The following USH2A variants were observed in gnomAD, a reference collection of about 807,000 sequenced individuals.
The protein encoded by USH2A is Usher syndrome 2A (autosomal recessive, mild).
USH2A carries 443 observed loss-of-function variants against 538.9 expected under a neutral mutation model. That is an observed-to-expected ratio of 0.82 (90% CI 0.76 to 0.89). The LOEUF (loss-of-function observed/expected upper bound fraction) is 0.89, where lower values mean the gene tolerates loss of function less well. USH2A is among the 40% of genes least tolerant of loss of function. The probability of loss-of-function intolerance (pLI) is 0.00; values close to 1 mark genes in which losing one functional copy is unlikely to be tolerated. For missense variants in USH2A, 6,633 were observed against 6,324.8 expected, an observed-to-expected ratio of 1.05 and a Z score of -1.65; for synonymous variants, 2,413 against 2,273.5, an observed-to-expected ratio of 1.06 and a Z score of -1.75.
chr1:215,779,214 T>C (rs1661549036), intron 55 of USH2A, among the ~76,000 whole-genome samples: 2 of 152,022 alleles, frequency 1.3e-5, no homozygotes, highest in South Asian at 4.1e-4. Context: ...AAAATGCTTC[T>C]CCTCCCTTCA....
intron 21 of USH2A, among the ~76,000 whole-genome samples, chr1:216,109,978 CT>C (rs1227605541): frequency 6.6e-6 from 1 of 151,840 alleles, no homozygotes; most frequent in African/African-American, 2.4e-5. Flanking sequence ...AAAGATATAC[CT>C]GTATTTTCCA....
intron 25 of USH2A, 113 bp downstream of exon 25, chr1:216,084,585 T>C: frequency 9.1e-7 from 1 of 1,094,682 alleles, no homozygotes; most frequent in Non-Finnish European, 1.3e-6. Flanking sequence ...ACTAAGTATT[T>C]CTGTGATACT....
chr1:216,090,243 G>T (rs1207784483), intron 22 of USH2A, among the ~76,000 whole-genome samples: 1 of 151,608 alleles, frequency 6.6e-6, no homozygotes, highest in African/African-American at 2.4e-5. Context: ...TGATGTAATG[G>T]TGCTGAAGAT....
intron 54 of USH2A, among the ~76,000 whole-genome samples, chr1:215,780,924 T>A (rs1034144410): frequency 2.0e-5 from 3 of 152,254 alleles, no homozygotes; most frequent in African/African-American, 7.2e-5. Flanking sequence ...ATGTTGCTCT[T>A]CTAAAGTTTT....
intron 3 of USH2A, 76 bp downstream of exon 3, chr1:216,418,438 G>T: frequency 6.5e-7 from 1 of 1,540,682 alleles, no homozygotes. Context: ...TTTGTGAGTA[G>T]ATGCCATTTA....
intron 21 of USH2A, among the ~76,000 whole-genome samples, chr1:216,150,173 T>C (rs2033804387): frequency 6.6e-6 from 1 of 152,110 alleles, no homozygotes; most frequent in Admixed American, 6.5e-5. Flanking sequence ...TCTCAACTAC[T>C]TATAAATGCC....
intron 21 of USH2A, among the ~76,000 whole-genome samples, chr1:216,162,825 A>G (rs2034085937): frequency 6.6e-6 from 1 of 152,022 alleles, no homozygotes. Flanking sequence ...ATCTCTACTT[A>G]GCTCCAACTA....
chr1:215,961,906 C>T (rs968880269), intron 37 of USH2A, among the ~76,000 whole-genome samples: 1 of 151,674 alleles, frequency 6.6e-6, no homozygotes, highest in African/African-American at 2.4e-5. Flanking sequence ...CAGTAGAGTG[C>T]TAGGAAAAAG....
At chr1:216,030,391 CAGAT>C (rs1422613964) in intron 32 of USH2A, among the ~76,000 whole-genome samples, 1 of 127,872 alleles carries the variant, frequency 7.8e-6, no homozygotes, top group African/African-American at 2.9e-5. Flanking sequence ...ATATACATCA[CAGAT>C]ATATATATGA....
intron 37 of USH2A, among the ~76,000 whole-genome samples, chr1:215,955,853 G>T (rs1667052276): frequency 1.3e-5 from 2 of 151,950 alleles, no homozygotes; most frequent in African/African-American, 4.8e-5. Flanking sequence ...ACTTTCTAAG[G>T]GGCCAAACAT....
At chr1:215,761,409 A>T (rs1317174163) in intron 56 of USH2A, among the ~76,000 whole-genome samples, 1 of 152,040 alleles carries the variant, frequency 6.6e-6, no homozygotes, top group Non-Finnish European at 1.5e-5. Context: ...ATCATAATCA[A>T]ATTCTTTCTT....
chr1:216,162,168 C>T (rs2034071665), intron 21 of USH2A, among the ~76,000 whole-genome samples: 1 of 151,740 alleles, frequency 6.6e-6, no homozygotes, highest in Non-Finnish European at 1.5e-5. Context: ...TCCTCAAATA[C>T]CTCATTGTTC....
chr1:216,361,495 A>C (rs1020868084), intron 4 of USH2A, among the ~76,000 whole-genome samples: 1 of 152,196 alleles, frequency 6.6e-6, no homozygotes, highest in Non-Finnish European at 1.5e-5. Context: ...CATATTTGCT[A>C]TCATGTATTT....
intron 61 of USH2A, among the ~76,000 whole-genome samples, chr1:215,683,483 T>C (rs1337725215): frequency 6.6e-6 from 1 of 152,250 alleles, no homozygotes; most frequent in Non-Finnish European, 1.5e-5. Context: ...CTGCAAAATT[T>C]GGATGCAGTT....
intron 21 of USH2A, among the ~76,000 whole-genome samples, chr1:216,133,081 AAAG>A (rs1443164369): frequency 6.6e-6 from 1 of 152,132 alleles, no homozygotes; most frequent in Non-Finnish European, 1.5e-5. Context: ...TTCCAAGGTC[AAAG>A]AAGTTTAGAA....
chr1:215,756,057 AT>A (rs1366660986), intron 58 of USH2A, among the ~76,000 whole-genome samples: 3 of 152,240 alleles, frequency 2.0e-5, no homozygotes, highest in Admixed American at 2.0e-4. Flanking sequence ...AGATAAAAAA[AT>A]AATTCTTCAA....
chr1:215,895,915 G>A (rs759220838), intron 40 of USH2A, among the ~76,000 whole-genome samples: 1 of 152,152 alleles, frequency 6.6e-6, no homozygotes. Flanking sequence ...AACCTGTACA[G>A]CATGTTACTG....
At chr1:215,924,031 G>A (rs114615522) in intron 38 of USH2A, among the ~76,000 whole-genome samples, 2,850 of 151,716 alleles carry the variant, frequency 0.019, 80 homozygotes, top group African/African-American at 0.066. Context: ...CAGCCCATTC[G>A]TTTTATCTTC....
chr1:216,092,403 G>A (rs894207112), intron 22 of USH2A, among the ~76,000 whole-genome samples: 3 of 152,126 alleles, frequency 2.0e-5, no homozygotes, highest in Non-Finnish European at 2.9e-5. Context: ...GAGAAAAACT[G>A]ACTTAAAGTG....
Sources: gnomAD v4.1 joint callset for allele counts (sites outside exome capture counted in the v4.1 genomes callset) on GRCh38, gnomAD v4.1.1 for gene constraint, MANE v1.5 for transcripts, NCBI Gene and HGNC (gene_info 2026-07-23, HGNC 2026-07-21) for gene names.